The following CADPS variants were observed in gnomAD, a reference collection of about 807,000 sequenced individuals.
CADPS encodes calcium-dependent secretion activator 1.
CADPS carries 57 observed loss-of-function variants against 167.3 expected under a neutral mutation model. The ratio of observed to expected loss-of-function variants is 0.34; its 90% CI spans 0.28 to 0.42. CADPS has a LOEUF of 0.42. Among genes scored for constraint, CADPS ranks in the 20% least tolerant of loss-of-function variants. CADPS has a pLI of 1.00. For missense variants in CADPS, 1,414 were observed against 1,738.1 expected (o/e 0.81, Z 3.32); for synonymous variants, 676 against 635.3 (o/e 1.06, Z -0.96).
intron 4 of CADPS, among the ~76,000 whole-genome samples, chr3:62,661,281 G>T (rs912365158): frequency 1.3e-5 from 2 of 152,136 alleles, no homozygotes; most frequent in Non-Finnish European, 2.9e-5. Context: ...GTTGATATGC[G>T]ATCTGACGGG....
intron 1 of CADPS, among the ~76,000 whole-genome samples, chr3:62,821,589 T>C (rs2094922488): frequency 6.6e-6 from 1 of 152,164 alleles, no homozygotes; most frequent in African/African-American, 2.4e-5. Flanking sequence ...GCATTCTTCC[T>C]GTGTTTCTGT....
intron 1 of CADPS, among the ~76,000 whole-genome samples, chr3:62,863,538 C>T (rs2577814): frequency 0.95 from 144,937 of 152,202 alleles, 69,139 homozygotes; most frequent in African/African-American, 0.99. Context: ...AGTGCAATGA[C>T]ACTGAGGCTC....
intron 1 of CADPS, among the ~76,000 whole-genome samples, chr3:62,771,481 T>C (rs1424803480): frequency 6.6e-6 from 1 of 152,172 alleles, no homozygotes; most frequent in African/African-American, 2.4e-5. Flanking sequence ...CTGACTTATA[T>C]AGGATTGAAC....
chr3:62,427,240 A>C (rs1270086898), intron 28 of CADPS, among the ~76,000 whole-genome samples: 3 of 152,070 alleles, frequency 2.0e-5, no homozygotes, highest in Admixed American at 1.3e-4. Flanking sequence ...GGTGTTAATA[A>C]TTGCTTTTTA....
chr3:62,823,946 C>T (rs992098631), intron 1 of CADPS, among the ~76,000 whole-genome samples: 1 of 152,046 alleles, frequency 6.6e-6, no homozygotes, highest in Non-Finnish European at 1.5e-5. Flanking sequence ...CCATGTTTTT[C>T]TGCCACGGCT....
intron 28 of CADPS, among the ~76,000 whole-genome samples, chr3:62,416,046 C>G (rs1050369771): frequency 2.0e-5 from 3 of 152,116 alleles, no homozygotes; most frequent in African/African-American, 7.2e-5. Context: ...CTTCAGAATG[C>G]GGGTTTTCTA....
At chr3:62,628,581 TAC>T (rs3080621) in intron 6 of CADPS, among the ~76,000 whole-genome samples, 4 of 148,940 alleles carry the variant, frequency 2.7e-5, no homozygotes, top group Non-Finnish European at 3.0e-5. Flanking sequence ...TCTACTCCTT[TAC>T]ACACACACAC....
Position 62,485,491 on chromosome 3 carries a change from A to G in CADPS, c.3027-3622T>C, listed in dbSNP as rs190913269. Among the ~76,000 whole-genome samples the G allele has an allele frequency of 1.8e-3, 274 of 152,094 alleles. 3 individuals are homozygous for G. The highest frequency in any genetic ancestry group is 9.1e-4 in the Non-Finnish European group (62 of 67,974). On this transcript the variant is annotated intron_variant, in intron 21 of 29. Coordinates refer to ENST00000383710, the MANE Select transcript of CADPS (RefSeq NM_003716.4). ...TCTTATGTCCTCATAACTTTTCCTT[A>G]TGTTATTTGTAAATTACAGATTTTA...
At chr3:62,643,303 C>T (rs917311675) in intron 6 of CADPS, among the ~76,000 whole-genome samples, 1 of 152,244 alleles carries the variant, frequency 6.6e-6, no homozygotes, top group Admixed American at 6.5e-5. Context: ...TCGAACCCTT[C>T]TCAATACAGC....
rs74742205 is a variant in CADPS, at chr3:62,433,598, A to C, written c.3777+4506T>G. ...CTGGTTCCCAATGACACGGGGCCTG[A>C]AGAAAGCCAGTGCGGATGCGGCATT... On this transcript the variant is annotated intron_variant, in intron 28 of 29. Transcript: ENST00000383710. This position sits in a 1 kb window ranked among gnomAD's most constrained non-coding sequence, Gnocchi z 4.7. Among the ~76,000 whole-genome samples the C allele has an allele frequency of 0.041, 6,254 of 152,238 alleles. 212 individuals are homozygous for C. The highest frequency in any genetic ancestry group is 0.057 in the Non-Finnish European group (3,882 of 68,006).
At position 62,399,315 on chromosome 3, in the gene CADPS, T is replaced by C; in HGVS notation, c.*91A>G. The C allele has an allele frequency of 2.4e-6, 3 of 1,238,812 alleles. No homozygotes were observed. Among genetic ancestry groups the C allele is most frequent in the East Asian group, 2.4e-5 (1 of 42,478 alleles). 76.7% of individuals were successfully genotyped at this position (1,238,812 alleles called of 1,614,324 possible). A position where few individuals can be genotyped will look rare whatever the true frequency, so the allele number is the denominator to read the frequency against. ...ATAAACATCTCATGGGCATGGTAGTTGACAGAAAATTCCTAATGGGTTTAA... is the reference window on the plus strand; with the variant it reads ...ATAAACATCTCATGGGCATGGTAGTCGACAGAAAATTCCTAATGGGTTTAA... On this transcript the variant is annotated 3_prime_UTR_variant, in exon 30 of 30. Coordinates refer to ENST00000383710, the MANE Select transcript of CADPS (RefSeq NM_003716.4). This position sits in a 1 kb window ranked among gnomAD's most constrained non-coding sequence, Gnocchi z 5.6.
intron 5 of CADPS, among the ~76,000 whole-genome samples, chr3:62,649,190 A>G (rs1164247189): frequency 6.6e-6 from 1 of 152,184 alleles, no homozygotes; most frequent in Non-Finnish European, 1.5e-5. Context: ...GAACTTTAGT[A>G]AGTTACAAGT....
intron 21 of CADPS, among the ~76,000 whole-genome samples, chr3:62,483,304 AAGTGGGGGAGTAGGGGAGTAGGGG>A (rs1276105588): frequency 8.8e-6 from 1 of 113,780 alleles, no homozygotes; most frequent in Non-Finnish European, 1.8e-5. Flanking sequence ...TTGGGTGGGG[AAGTGGGGGAGTAGGGGAGTAGGGG>A]AGTGGGGGAG....
At chr3:62,584,291 G>A (rs372710048) in intron 8 of CADPS, among the ~76,000 whole-genome samples, 1 of 152,270 alleles carries the variant, frequency 6.6e-6, no homozygotes, top group Non-Finnish European at 1.5e-5. Flanking sequence ...ACAGGCATGA[G>A]CCACTGTGCC....
chr3:62,518,090 T>G, intron 14 of CADPS, 59 bp downstream of exon 14: 1 of 1,177,302 alleles, frequency 8.5e-7, no homozygotes, highest in Non-Finnish European at 1.3e-6. Flanking sequence ...ATTAAGTCCT[T>G]TAGTTTTCCC....
intron 3 of CADPS, among the ~76,000 whole-genome samples, chr3:62,727,062 A>G (rs991646988): frequency 1.3e-5 from 2 of 151,864 alleles, no homozygotes; most frequent in Non-Finnish European, 2.9e-5. Context: ...TCTTGGCACT[A>G]TTTACTAAAG....
chr3:62,526,609 C>G (rs1260611389), intron 13 of CADPS, among the ~76,000 whole-genome samples: 1 of 152,156 alleles, frequency 6.6e-6, no homozygotes, highest in Non-Finnish European at 1.5e-5. Flanking sequence ...GAATTAAGTA[C>G]TGCAACCTTA....
At chr3:62,770,006 G>A (rs2152532938) in intron 1 of CADPS, among the ~76,000 whole-genome samples, 1 of 152,238 alleles carries the variant, frequency 6.6e-6, no homozygotes, top group Non-Finnish European at 1.5e-5. Context: ...AAACTCAATG[G>A]GCTCCAAGGC....
rs186270940 is a variant in CADPS at position 62,749,212 on chromosome 3, C to G, written c.888+4229G>C. Among the ~76,000 whole-genome samples the G allele has an allele frequency of 2.2e-4, 33 of 152,336 alleles. No individual in the cohort carries two copies. In the East Asian group the frequency reaches 5.2e-3, roughly 24 times the overall value. On this transcript the variant is annotated intron_variant, in intron 3 of 29. Coordinates refer to ENST00000383710, the MANE Select transcript of CADPS (RefSeq NM_003716.4). ...GAAACTCCGTGGGCAAATTCAGAGACATTTGTTAAACTCTCTTGCTTTTCT... is the reference window on the plus strand; with the variant it reads ...GAAACTCCGTGGGCAAATTCAGAGAGATTTGTTAAACTCTCTTGCTTTTCT...
Sources: gnomAD v4.1 joint callset for allele counts (sites outside exome capture counted in the v4.1 genomes callset) on GRCh38, gnomAD v4.1.1 for gene constraint, Gnocchi (gnomAD v3.1) non-coding constraint, MANE v1.5 for transcripts, NCBI Gene and HGNC (gene_info 2026-07-23, HGNC 2026-07-21) for gene names.